Variants in IL19 observed in about 807,000 individuals in gnomAD.
The protein encoded by IL19 is interleukin-19.
Under a neutral mutation model 19.5 loss-of-function variants are expected in IL19, and 15 were observed. The ratio of observed to expected loss-of-function variants is 0.77; its 90% CI spans 0.52 to 1.19. IL19 has a LOEUF of 1.19. Ranked by LOEUF, IL19 falls within the 50% of genes most tolerant of loss-of-function variation. The pLI, the probability that IL19 is intolerant of heterozygous loss-of-function variation, is 0.00. For synonymous variants in IL19, 78 were observed against 78.3 expected, an observed-to-expected ratio of 1.00 and a Z score of 0.02; for missense variants, 199 against 213.1, an observed-to-expected ratio of 0.93 and a Z score of 0.41.
chr1:206,832,618 T>C (rs1161326989), intron 2 of IL19, among the ~76,000 whole-genome samples: 11 of 152,110 alleles, frequency 7.2e-5, no homozygotes, highest in Non-Finnish European at 8.8e-5. Flanking sequence ...CTAGGAAAAA[T>C]GATAAACTCC....
Position 206,836,801 on chromosome 1 carries a change from G to A in IL19, c.139G>A (p.Ala47Thr). 1.9e-6 allele frequency: 3 copies of A among 1,614,148 alleles called. No homozygotes were observed. The highest frequency in any genetic ancestry group is 2.5e-6 in the Non-Finnish European group (3 of 1,180,010). Residue 47 changes from alanine to threonine, a missense_variant, in exon 3 of 7, where the codon GCC (alanine) becomes ACC (threonine). Coordinates refer to ENST00000659997, the MANE Select transcript of IL19 (RefSeq NM_153758.5). ...IEESFQEIKR[A>T]IQAKDTFPNV... ...AGAGAGTTTCCAAGAAATCAAAAGA[G>A]CCATCGTGAGTATGGGTTGGTGTAA...
intron 1 of IL19, among the ~76,000 whole-genome samples, chr1:206,795,778 T>C (rs1675507441): frequency 6.6e-6 from 1 of 152,146 alleles, no homozygotes; most frequent in African/African-American, 2.4e-5. Flanking sequence ...GTTCCATCAG[T>C]TGTGTCTGAA....
chr1:206,807,530 C>T (rs538140862), intron 2 of IL19, among the ~76,000 whole-genome samples: 1 of 152,300 alleles, frequency 6.6e-6, no homozygotes, highest in South Asian at 2.1e-4. Flanking sequence ...TTCCTGGCTC[C>T]TTCTTTCTCA....
chr1:206,777,548 T>A (rs1449687093), intron 1 of IL19, among the ~76,000 whole-genome samples: 2 of 152,126 alleles, frequency 1.3e-5, no homozygotes, highest in Non-Finnish European at 2.9e-5. Flanking sequence ...AGCAGCCTTG[T>A]GAGGGTGGCT....
At chr1:206,815,913 G>T (rs1676143266) in intron 2 of IL19, among the ~76,000 whole-genome samples, 1 of 152,070 alleles carries the variant, frequency 6.6e-6, no homozygotes, top group African/African-American at 2.4e-5. Context: ...GAATAACATT[G>T]TTTCCTTCGA....
At chr1:206,771,594 A>C (rs1015537900) in intron 1 of IL19, among the ~76,000 whole-genome samples, 23 of 152,180 alleles carry the variant, frequency 1.5e-4, no homozygotes, top group African/African-American at 5.1e-4. Context: ...CCATCACTTA[A>C]ATCAGGTCCT....
At chr1:206,787,739 A>G (rs898861861) in intron 1 of IL19, among the ~76,000 whole-genome samples, 8 of 152,222 alleles carry the variant, frequency 5.3e-5, no homozygotes, top group African/African-American at 1.7e-4. Flanking sequence ...AGCTAAATAC[A>G]TGAAAGAGCC....
chr1:206,793,791 T>C (rs901290750), intron 1 of IL19, among the ~76,000 whole-genome samples: 34 of 152,248 alleles, frequency 2.2e-4, no homozygotes, highest in Non-Finnish European at 4.3e-4. Context: ...TTCGAGTGCT[T>C]GTTATGATAA....
chr1:206,816,410 A>G (rs1188461831), intron 2 of IL19, among the ~76,000 whole-genome samples: 2 of 152,244 alleles, frequency 1.3e-5, no homozygotes, highest in African/African-American at 2.4e-5. Flanking sequence ...GTACACTATC[A>G]TAAGGCTCTT....
intron 2 of IL19, among the ~76,000 whole-genome samples, chr1:206,830,728 C>T (rs1401745077): frequency 2.6e-5 from 4 of 152,116 alleles, no homozygotes; most frequent in Non-Finnish European, 4.4e-5. Flanking sequence ...ACAGGTACTG[C>T]CACCACGCCA....
At chr1:206,828,620 A>G (rs1441537061) in intron 2 of IL19, among the ~76,000 whole-genome samples, 1 of 152,206 alleles carries the variant, frequency 6.6e-6, no homozygotes, top group African/African-American at 2.4e-5. Context: ...ACCCAATACC[A>G]TTCTCTGGTT....
intron 2 of IL19, among the ~76,000 whole-genome samples, chr1:206,806,502 A>G (rs190200522): frequency 6.6e-5 from 10 of 152,352 alleles, no homozygotes; most frequent in African/African-American, 2.4e-4. Flanking sequence ...AGACAATGAA[A>G]CAAAGTATTT....
chr1:206,772,804 C>T (rs2102441478), intron 1 of IL19, among the ~76,000 whole-genome samples: 1 of 152,284 alleles, frequency 6.6e-6, no homozygotes, highest in South Asian at 2.1e-4. Flanking sequence ...AGGCCCTCAG[C>T]TGTGGGTTCT....
intron 4 of IL19, among the ~76,000 whole-genome samples, chr1:206,837,791 G>A (rs1676853258): frequency 6.6e-6 from 1 of 152,178 alleles, no homozygotes; most frequent in Admixed American, 6.5e-5. Flanking sequence ...GGTCAAAGCT[G>A]CAGTGAGCCA....
At chr1:206,831,613 T>C (rs1337691855) in intron 2 of IL19, among the ~76,000 whole-genome samples, 2 of 152,244 alleles carry the variant, frequency 1.3e-5, no homozygotes, top group Admixed American at 6.5e-5. Context: ...AGTTGCTTAT[T>C]ATGCGCCAGG....
chr1:206,809,045 C>G (rs1421135791), intron 2 of IL19, among the ~76,000 whole-genome samples: 3 of 152,194 alleles, frequency 2.0e-5, no homozygotes, highest in Non-Finnish European at 4.4e-5. Flanking sequence ...GAGAGCAAAG[C>G]TGCTCTCTGT....
intron 4 of IL19, among the ~76,000 whole-genome samples, chr1:206,837,632 T>C (rs1676844262): frequency 2.4e-5 from 1 of 40,952 alleles, no homozygotes; most frequent in South Asian, 1.3e-3. Context: ...GTAGGATTGC[T>C]TGAGATCGGG....
chr1:206,836,684 C>G lies in IL19; in HGVS notation c.22C>G (p.Leu8Val). MKLQCVS[L>V]WLLGTILILC... Reference sequence around the variant, plus strand: ...AGGCATGAAGTTACAGTGTGTTTCCCTTTGGCTCCTGGGTACAATACTGAT... The same window carrying G: ...AGGCATGAAGTTACAGTGTGTTTCCGTTTGGCTCCTGGGTACAATACTGAT... The change falls in exon 3 of 7, where the codon CTT becomes GTT. Residue 8 changes from leucine (L) to valine (V), a missense_variant. Coordinates refer to ENST00000659997, the MANE Select transcript of IL19 (RefSeq NM_153758.5). 6.2e-7 allele frequency: 1 copy of G among 1,611,624 alleles called. No homozygotes were observed. The highest frequency in any genetic ancestry group is 8.5e-7 in the Non-Finnish European group (1 of 1,179,140).
intron 2 of IL19, among the ~76,000 whole-genome samples, chr1:206,818,948 G>A (rs1376959892): frequency 6.6e-6 from 1 of 151,744 alleles, no homozygotes; most frequent in Admixed American, 6.6e-5. Flanking sequence ...GAGTAGCTGG[G>A]ATTACAGGCA....
Sources: gnomAD v4.1 joint callset for allele counts (sites outside exome capture counted in the v4.1 genomes callset) on GRCh38, gnomAD v4.1.1 for gene constraint, MANE v1.5 for transcripts, NCBI Gene and HGNC (gene_info 2026-07-23, HGNC 2026-07-21) for gene names.